The following PCNX2 variants were observed in gnomAD, a reference collection of about 807,000 sequenced individuals.
PCNX2 encodes the protein pecanex 2.
PCNX2 carries 168 observed loss-of-function variants against 223.8 expected under a neutral mutation model. The observed-to-expected ratio is 0.75, with a 90% CI of 0.66 to 0.85. The LOEUF is 0.85. Ranked by LOEUF, PCNX2 falls within the 40% of genes least tolerant of loss-of-function variation. The pLI, the probability that PCNX2 is intolerant of heterozygous loss-of-function variation, is 0.00. For synonymous variants in PCNX2, 1,006 were observed against 1,052.6 expected (o/e 0.96, Z 0.86); for missense variants, 2,507 against 2,675.5 (o/e 0.94, Z 1.39).
rs531067744 is a variant in PCNX2, at chr1:233,017,563, G to A, written c.4606-409C>T. 1.6e-3 allele frequency among the ~76,000 whole-genome samples: 250 copies of A among 152,016 alleles called. 1 individual carries two copies. The highest frequency in any genetic ancestry group is 3.8e-3 in the Admixed American group (58 of 15,274). ...GATCTCCTGACCTCGTGATCCGCCCGCCTTGGCCTCCCAAAGTGCTGGGAT... is the reference window on the plus strand; with the variant it reads ...GATCTCCTGACCTCGTGATCCGCCCACCTTGGCCTCCCAAAGTGCTGGGAT... On this transcript the variant is annotated intron_variant, in intron 26 of 33. Coordinates refer to ENST00000258229, the MANE Select transcript of PCNX2 (RefSeq NM_014801.4).
intron 21 of PCNX2, among the ~76,000 whole-genome samples, chr1:233,128,594 C>G (rs541896543): frequency 2.6e-5 from 4 of 152,132 alleles, no homozygotes; most frequent in Non-Finnish European, 2.9e-5. Flanking sequence ...CTCAGCCTCC[C>G]GAAGTGCTGG....
intron 17 of PCNX2, among the ~76,000 whole-genome samples, chr1:233,173,003 C>T (rs1047615135): frequency 2.0e-5 from 3 of 152,130 alleles, no homozygotes; most frequent in Non-Finnish European, 4.4e-5. Context: ...AAACAATTAC[C>T]TCAACACTAG....
At chr1:233,172,358 A>G (rs1679203858) in intron 17 of PCNX2, 1 of 985,286 alleles carries the variant, frequency 1.0e-6, no homozygotes, top group Non-Finnish European at 1.2e-6. Context: ...GTACCACGTT[A>G]AATGTCTTCA....
At chr1:233,239,353 T>C (rs1282936107) in intron 8 of PCNX2, among the ~76,000 whole-genome samples, 1 of 148,926 alleles carries the variant, frequency 6.7e-6, no homozygotes, top group African/African-American at 2.6e-5. Context: ...GGAAACATGA[T>C]ACAAAGGAAG....
the PCNX2 span, among the ~76,000 whole-genome samples, chr1:233,309,942 G>A: frequency 1.3e-5 from 2 of 151,768 alleles, no homozygotes; most frequent in Admixed American, 6.6e-5. Flanking sequence ...CCAAAAGAAG[G>A]ATTCAATTCT....
intron 21 of PCNX2, among the ~76,000 whole-genome samples, chr1:233,130,113 C>T (rs1459900437): frequency 6.6e-6 from 1 of 152,048 alleles, no homozygotes; most frequent in Non-Finnish European, 1.5e-5. Context: ...GGTCTGCAGC[C>T]TCACTCCTGA....
At chr1:233,261,814 C>A (rs946800911) in intron 3 of PCNX2, among the ~76,000 whole-genome samples, 1 of 152,196 alleles carries the variant, frequency 6.6e-6, no homozygotes, top group Admixed American at 6.5e-5. Flanking sequence ...CGCAGGTGGA[C>A]GGCAGGGAAG....
At chr1:232,994,440 T>C (rs1558148542) in intron 32 of PCNX2, among the ~76,000 whole-genome samples, 3 of 152,262 alleles carry the variant, frequency 2.0e-5, no homozygotes, top group African/African-American at 7.2e-5. Context: ...TGTTCCCCCA[T>C]TGTATCTTTG....
chr1:233,213,786 A>C (rs915581619), intron 12 of PCNX2, among the ~76,000 whole-genome samples: 5 of 145,968 alleles, frequency 3.4e-5, no homozygotes, highest in South Asian at 2.2e-4. Context: ...AGCCTGCACC[A>C]GGCATATTAC....
intron 33 of PCNX2, chr1:232,985,847 C>T: frequency 1.6e-6 from 1 of 608,732 alleles, no homozygotes; most frequent in Non-Finnish European, 2.9e-6. Flanking sequence ...TATCCGGTGA[C>T]TCCTTTCAGT....
intron 9 of PCNX2, chr1:233,231,658 G>A (rs1331962287): frequency 3.0e-6 from 3 of 984,960 alleles, no homozygotes; most frequent in Non-Finnish European, 3.6e-6. Context: ...GAGTAGAAGA[G>A]TGAACAGTAG....
At chr1:233,271,757 T>C (rs1387658118) in intron 1 of PCNX2, among the ~76,000 whole-genome samples, 1 of 152,180 alleles carries the variant, frequency 6.6e-6, no homozygotes, top group Non-Finnish European at 1.5e-5. Flanking sequence ...ATGTTTTTGT[T>C]TGCTTTGTTG....
chr1:233,180,228 G>A (rs4649439), intron 15 of PCNX2, among the ~76,000 whole-genome samples: 13 of 152,172 alleles, frequency 8.5e-5, no homozygotes, highest in Admixed American at 3.3e-4. Context: ...AATGAAAAGA[G>A]GCACTTCAGG....
At position 233,102,730 on chromosome 1, in the gene PCNX2, GTTGT is replaced by G. The variant is rs769280011; in HGVS notation, c.3838-6871_3838-6868del. Among the ~76,000 whole-genome samples the G allele has an allele frequency of 8.7e-4, 133 of 152,082 alleles. 1 individual carries two copies. Among genetic ancestry groups the G allele is most frequent in the Non-Finnish European group, 1.1e-3 (77 of 67,968 alleles). Reference sequence around the variant, plus strand: ...TGTTATTAATTTTTTTTGCTATTTAGTTGTTTGAGTTCCTAATATATTGTCGTTA... The same window carrying G: ...TGTTATTAATTTTTTTTGCTATTTAGTTGAGTTCCTAATATATTGTCGTTA... On this transcript the variant is annotated intron_variant, in intron 21 of 33. Coordinates refer to ENST00000258229, the MANE Select transcript of PCNX2 (RefSeq NM_014801.4).
At chr1:233,174,164 T>C (rs1679331526) in intron 17 of PCNX2, among the ~76,000 whole-genome samples, 1 of 110,516 alleles carries the variant, frequency 9.0e-6, no homozygotes, top group South Asian at 2.9e-4. Context: ...TTTTATATAT[T>C]ATATAGTATT....
chr1:233,240,572 C>T (rs1418703499), intron 8 of PCNX2, among the ~76,000 whole-genome samples: 2 of 152,156 alleles, frequency 1.3e-5, no homozygotes, highest in Non-Finnish European at 2.9e-5. Context: ...TCAATTATCC[C>T]GTTCTCTGGT....
At chr1:233,096,657 T>G (rs929561995) in intron 21 of PCNX2, among the ~76,000 whole-genome samples, 4 of 152,324 alleles carry the variant, frequency 2.6e-5, no homozygotes, top group African/African-American at 9.6e-5. Context: ...TAATGAAAAC[T>G]TCAAATAGCA....
intron 21 of PCNX2, among the ~76,000 whole-genome samples, chr1:233,102,747 T>C (rs1168452012): frequency 2.0e-5 from 3 of 152,184 alleles, no homozygotes; most frequent in Non-Finnish European, 4.4e-5. Flanking sequence ...GAGTTCCTAA[T>C]ATATTGTCGT....
At chr1:233,085,202 G>T (rs1333227427) in intron 23 of PCNX2, among the ~76,000 whole-genome samples, 1 of 151,874 alleles carries the variant, frequency 6.6e-6, no homozygotes, top group Admixed American at 6.6e-5. Context: ...GTGTGGTGGC[G>T]GGCCTCTGTA....
Sources: gnomAD v4.1 joint callset for allele counts (sites outside exome capture counted in the v4.1 genomes callset) on GRCh38, gnomAD v4.1.1 for gene constraint, MANE v1.5 for transcripts, NCBI Gene and HGNC (gene_info 2026-07-23, HGNC 2026-07-21) for gene names.